Variants in CACNG4 observed in about 807,000 individuals in gnomAD.
CACNG4 encodes the protein calcium voltage-gated channel auxiliary subunit gamma 4.
Under a neutral mutation model 22.9 loss-of-function variants are expected in CACNG4, and 8 were observed. That is an observed-to-expected ratio of 0.35 (90% CI 0.21 to 0.63). The LOEUF (loss-of-function observed/expected upper bound fraction) is 0.63. CACNG4 is among the 30% of genes least tolerant of loss of function. The pLI, the probability that CACNG4 is intolerant of heterozygous loss-of-function variation, is 0.72. For synonymous variants in CACNG4, 188 were observed against 191.9 expected (o/e 0.98, Z 0.17); for missense variants, 357 against 455.4 (o/e 0.78, Z 1.97).
chr17:67,029,166 T>C (rs569066762), intron 3 of CACNG4, among the ~76,000 whole-genome samples: 2 of 151,580 alleles, frequency 1.3e-5, no homozygotes, highest in East Asian at 3.9e-4. Context: ...ACCCTGTCTC[T>C]ACTAAAAATA....
intron 1 of CACNG4, among the ~76,000 whole-genome samples, chr17:66,994,472 G>A (rs1328519438): frequency 6.6e-6 from 1 of 152,226 alleles, no homozygotes; most frequent in Non-Finnish European, 1.5e-5. Context: ...TGGCTATTCA[G>A]AGCAGGAAGG....
intron 1 of CACNG4, among the ~76,000 whole-genome samples, chr17:66,981,716 C>T (rs2035274573): frequency 6.6e-6 from 1 of 152,176 alleles, no homozygotes; most frequent in African/African-American, 2.4e-5. Flanking sequence ...CCTGCTGGCT[C>T]CTCTGTTTAG....
rs1237740903 is a variant in CACNG4 at position 67,030,491 on chromosome 17, C to T, written c.471C>T (p.Ile157=). The change falls in exon 4 of 4, where the codon ATC becomes ATT. Residue 157 remains isoleucine, a synonymous_variant. Coordinates refer to ENST00000262138, the MANE Select transcript of CACNG4 (RefSeq NM_014405.4). This position sits in a 1 kb window ranked among gnomAD's most constrained non-coding sequence, Gnocchi z 6.4. ...AAGLSNIIGI[I]VYISSNTGDP... is the part of the protein sequence containing the mutation. ...GCCTCAGTAACATCATCGGTATCATCGTCTACATTTCCAGCAACACAGGTG... is the reference window on the plus strand; with the variant it reads ...GCCTCAGTAACATCATCGGTATCATTGTCTACATTTCCAGCAACACAGGTG... 7 of 1,614,084 alleles carry T rather than the reference C, an allele frequency of 4.3e-6. No individual in the cohort carries two copies. The Admixed American group carries it at 5.0e-5, about 12-fold the overall frequency.
intron 1 of CACNG4, among the ~76,000 whole-genome samples, chr17:66,992,648 CT>C (rs2035348265): frequency 6.6e-6 from 1 of 152,226 alleles, no homozygotes; most frequent in African/African-American, 2.4e-5. Context: ...TTCAGAGCCC[CT>C]GGCCTGGTGG....
chr17:66,990,088 G>A lies in CACNG4; in HGVS notation c.220+24957G>A, dbSNP rs554923758. ...ACTGGGAGTCTGGACACACTTAGCC[G>A]CATCCGCTGCTTAAGTCTTCAAGGA... On this transcript the variant is annotated intron_variant, in intron 1 of 3. Coordinates refer to ENST00000262138, the MANE Select transcript of CACNG4 (RefSeq NM_014405.4). Among the ~76,000 whole-genome samples, 6 of 152,326 alleles carry A rather than the reference G, an allele frequency of 3.9e-5. No homozygotes were observed. In the South Asian group the frequency reaches 8.3e-4, roughly 21 times the overall value.
At chr17:66,995,325 T>C (rs1289884386) in intron 1 of CACNG4, among the ~76,000 whole-genome samples, 4 of 152,142 alleles carry the variant, frequency 2.6e-5, no homozygotes, top group African/African-American at 9.7e-5. Context: ...GAAAATGGCT[T>C]AATGAATAAT....
At chr17:67,026,505 G>A (rs1299434053) in intron 3 of CACNG4, among the ~76,000 whole-genome samples, 2 of 116,448 alleles carry the variant, frequency 1.7e-5, no homozygotes, top group Non-Finnish European at 3.4e-5. Context: ...GGAATGTGGT[G>A]TATGTGTGTG....
chr17:66,993,854 C>T (rs142672865), intron 1 of CACNG4, among the ~76,000 whole-genome samples: 5,359 of 152,114 alleles, frequency 0.035, 133 homozygotes, highest in Middle Eastern at 0.078. Context: ...CTCCTGACCT[C>T]GTGATCCACC....
In CACNG4 at chr17:67,030,647, A is replaced by G. The variant is rs187099750; in HGVS notation, c.627A>G (p.Lys209=). The G allele has an allele frequency of 6.2e-7, 1 of 1,614,212 alleles. No homozygotes were observed. The highest frequency in any genetic ancestry group is 8.5e-7 in the Non-Finnish European group (1 of 1,180,038). Residue 209 remains lysine, a synonymous_variant, in exon 4 of 4, where the codon AAA becomes AAG. Coordinates refer to ENST00000262138, the MANE Select transcript of CACNG4 (RefSeq NM_014405.4). This position sits in a 1 kb window ranked among gnomAD's most constrained non-coding sequence, Gnocchi z 6.4. ...TGGCTGTAAACATTTACATTGAGAA[A>G]AATAAAGAGTTGAGGTTTAAGACCA... is the stretch of plus-strand genomic sequence containing the variant. ...GVLAVNIYIE[K]NKELRFKTKR...
At chr17:66,974,056 C>T (rs1463640716) in intron 1 of CACNG4, among the ~76,000 whole-genome samples, 1 of 152,194 alleles carries the variant, frequency 6.6e-6, no homozygotes, top group Non-Finnish European at 1.5e-5. Context: ...CTTCTTCCCC[C>T]TTCAACCATA....
At chr17:66,969,677 G>T (rs1035471174) in intron 1 of CACNG4, among the ~76,000 whole-genome samples, 2 of 152,090 alleles carry the variant, frequency 1.3e-5, no homozygotes, top group African/African-American at 4.8e-5. Flanking sequence ...TCTCCCAAGG[G>T]GCCCCAGCTG....
At chr17:67,007,209 T>G (rs2035442997) in intron 1 of CACNG4, among the ~76,000 whole-genome samples, 1 of 151,790 alleles carries the variant, frequency 6.6e-6, no homozygotes, top group African/African-American at 2.4e-5. Context: ...CCAAACAGAT[T>G]CTAGAGGGAC....
intron 1 of CACNG4, among the ~76,000 whole-genome samples, chr17:66,993,213 G>T (rs73339131): frequency 0.013 from 1,992 of 152,358 alleles, 49 homozygotes; most frequent in African/African-American, 0.045. Context: ...CCATTTCGGG[G>T]CTTGGCATTT....
At chr17:67,018,526 G>C (rs1052226358) in intron 2 of CACNG4, among the ~76,000 whole-genome samples, 3 of 152,116 alleles carry the variant, frequency 2.0e-5, no homozygotes, top group Admixed American at 1.3e-4. Flanking sequence ...TGTGCCCTGG[G>C]GAGAGAGACC....
chr17:67,024,419 C>T (rs544551778), intron 2 of CACNG4, among the ~76,000 whole-genome samples: 17 of 152,334 alleles, frequency 1.1e-4, no homozygotes, highest in Admixed American at 2.0e-4. Context: ...CACCTAATGC[C>T]GATGCGTGTG....
At position 66,965,210 on chromosome 17, in the gene CACNG4, G is replaced by A. The variant is rs767065970; in HGVS notation, c.220+79G>A. 3,202 of 773,938 alleles carry A rather than the reference G, an allele frequency of 4.1e-3. 52 individuals carry two copies. Among genetic ancestry groups the A allele is most frequent in the African/African-American group, 0.04 (2,086 of 52,390 alleles). 47.9% of individuals were successfully genotyped at this position (773,938 alleles called of 1,614,324 possible). On this transcript the variant is annotated intron_variant, in intron 1 of 3. Transcript: ENST00000262138. ...CATATACACACGCGCGCGCGCGCGC[G>A]CGCACACACACACACGCGCACACAC...
At chr17:66,997,260 G>A (rs1031796255) in intron 1 of CACNG4, among the ~76,000 whole-genome samples, 1 of 152,172 alleles carries the variant, frequency 6.6e-6, no homozygotes, top group Non-Finnish European at 1.5e-5. Flanking sequence ...TGGATTTGAG[G>A]CATCAAGGAT....
At chr17:66,989,363 AC>A (rs2035325136) in intron 1 of CACNG4, among the ~76,000 whole-genome samples, 1 of 151,484 alleles carries the variant, frequency 6.6e-6, no homozygotes, top group East Asian at 1.9e-4. Flanking sequence ...ACGGAGAAGG[AC>A]ACAGAAGATG....
At chr17:66,996,971 G>A (rs931231594) in intron 1 of CACNG4, among the ~76,000 whole-genome samples, 2 of 152,152 alleles carry the variant, frequency 1.3e-5, no homozygotes, top group African/African-American at 4.8e-5. Flanking sequence ...GCTAGAAGAT[G>A]GTTCGAAACA....
Sources: allele counts gnomAD v4.1 joint callset (sites outside exome capture counted in the v4.1 genomes callset), GRCh38; gene constraint gnomAD v4.1.1; non-coding constraint Gnocchi (gnomAD v3.1); transcripts MANE v1.5; gene names NCBI Gene and HGNC (gene_info 2026-07-23, HGNC 2026-07-21).